The following PRKACB variants were observed in gnomAD, a reference collection of about 807,000 sequenced individuals.
The protein encoded by PRKACB is cAMP-dependent protein kinase catalytic subunit beta.
PRKACB carries 16 observed loss-of-function variants against 51.4 expected under a neutral mutation model. The observed-to-expected ratio is 0.31, with a 90% CI of 0.21 to 0.47. The LOEUF is 0.47. Among genes scored for constraint, PRKACB ranks in the 20% least tolerant of loss-of-function variants. The pLI, the probability that PRKACB is intolerant of heterozygous loss-of-function variation, is 1.00. For synonymous variants in PRKACB, 147 were observed against 154.4 expected (o/e 0.95, Z 0.35); for missense variants, 309 against 464.5 (o/e 0.67, Z 3.08).
intron 1 of PRKACB, among the ~76,000 whole-genome samples, chr1:84,080,941 A>G (rs1325706039): frequency 1.3e-5 from 2 of 152,182 alleles, no homozygotes; most frequent in Admixed American, 6.5e-5. Context: ...ATTAAAGACT[A>G]TAAGTAAAAG....
intron 1 of PRKACB, among the ~76,000 whole-genome samples, chr1:84,080,181 A>G (rs555320353): frequency 6.6e-6 from 1 of 152,164 alleles, no homozygotes; most frequent in Non-Finnish European, 1.5e-5. Context: ...GCTGACCTGT[A>G]TAATGTTTAT....
At chr1:84,180,762 T>C (rs1351744089) in intron 2 of PRKACB, among the ~76,000 whole-genome samples, 1 of 151,938 alleles carries the variant, frequency 6.6e-6, no homozygotes, top group Non-Finnish European at 1.5e-5. Flanking sequence ...AGATTAAACA[T>C]TGTGATTACA....
At chr1:84,165,172 A>G (rs114108263) in intron 1 of PRKACB, among the ~76,000 whole-genome samples, 1 of 152,080 alleles carries the variant, frequency 6.6e-6, no homozygotes, top group African/African-American at 2.4e-5. Flanking sequence ...ATTGCCTTCA[A>G]AAACCAGTAA....
upstream of PRKACB, among the ~76,000 whole-genome samples, chr1:84,140,611 G>A (rs1653307847): frequency 6.6e-6 from 1 of 152,002 alleles, no homozygotes; most frequent in Non-Finnish European, 1.5e-5. Flanking sequence ...CAAGATGATT[G>A]TAAGAAACAT....
At chr1:84,162,379 T>C (rs1356295712) in intron 1 of PRKACB, among the ~76,000 whole-genome samples, 2 of 152,084 alleles carry the variant, frequency 1.3e-5, no homozygotes, top group African/African-American at 4.8e-5. Context: ...TGTTTTTTCA[T>C]CACCCTTTGT....
At chr1:84,115,290 T>A (rs1650541348) in intron 1 of PRKACB, among the ~76,000 whole-genome samples, 1 of 152,120 alleles carries the variant, frequency 6.6e-6, no homozygotes. Flanking sequence ...TGATTAGTGA[T>A]GTTGAGCATT....
intron 7 of PRKACB, among the ~76,000 whole-genome samples, chr1:84,199,884 C>T (rs947523953): frequency 1.3e-5 from 2 of 151,988 alleles, no homozygotes; most frequent in South Asian, 2.1e-4. Context: ...CTTGCTCTGT[C>T]GCCCAGGCTG....
intron 1 of PRKACB, among the ~76,000 whole-genome samples, chr1:84,094,337 A>G (rs989306873): frequency 1.3e-5 from 2 of 151,986 alleles, no homozygotes; most frequent in Non-Finnish European, 2.9e-5. Flanking sequence ...GTGAGTTTTG[A>G]ATCTTAAATT....
chr1:84,178,186 A>G (rs1558128067), intron 1 of PRKACB, among the ~76,000 whole-genome samples: 1 of 152,004 alleles, frequency 6.6e-6, no homozygotes, highest in Non-Finnish European at 1.5e-5. Context: ...TAAAATAGGT[A>G]CCTATCTCAC....
Position 84,235,569 on chromosome 1 carries a change from A to C in PRKACB, c.*264A>C. ...TTGGGTTGTCTTTCTCCTCTCCTATATCCATTTCTTCCTTTTCCAATTTCA... is the reference window on the plus strand; with the variant it reads ...TTGGGTTGTCTTTCTCCTCTCCTATCTCCATTTCTTCCTTTTCCAATTTCA... On this transcript the variant is annotated 3_prime_UTR_variant, in exon 10 of 10. Transcript: ENST00000370685. The C allele has an allele frequency of 9.2e-6, 3 of 325,008 alleles. No individual in the cohort carries two copies. Among genetic ancestry groups the C allele is most frequent in the South Asian group, 5.3e-5 (1 of 18,948 alleles). The allele number at this position is 325,008 out of a possible 1,614,324, so 20.1% of individuals were successfully genotyped here. A position where few individuals can be genotyped will look rare whatever the true frequency, so the allele number is the denominator to read the frequency against.
intron 1 of PRKACB, among the ~76,000 whole-genome samples, chr1:84,116,414 G>A: frequency 6.6e-6 from 1 of 152,052 alleles, no homozygotes; most frequent in Non-Finnish European, 1.5e-5. Context: ...ATTATGTTGA[G>A]TCTGTAGATT....
At chr1:84,158,047 A>G (rs1655721618) in intron 1 of PRKACB, among the ~76,000 whole-genome samples, 1 of 151,130 alleles carries the variant, frequency 6.6e-6, no homozygotes, top group African/African-American at 2.4e-5. Context: ...ATGCTCATCA[A>G]TGCTTGGTAT....
At chr1:84,208,018 C>G (rs919798316) in intron 8 of PRKACB, among the ~76,000 whole-genome samples, 1 of 152,140 alleles carries the variant, frequency 6.6e-6, no homozygotes, top group Non-Finnish European at 1.5e-5. Context: ...CAGGCATGTG[C>G]CACCACGCCC....
At chr1:84,178,096 CTTTTTGGTTAGTAACAGTAT>C (rs1210705744) in intron 1 of PRKACB, among the ~76,000 whole-genome samples, 1 of 151,844 alleles carries the variant, frequency 6.6e-6, no homozygotes, top group African/African-American at 2.4e-5. Context: ...TGCCAAAAGC[CTTTTTGGTTAGTAACAGTAT>C]TTTCCCAAAG....
intron 1 of PRKACB, among the ~76,000 whole-genome samples, chr1:84,112,360 G>A (rs1650308523): frequency 6.6e-6 from 1 of 150,920 alleles, no homozygotes; most frequent in African/African-American, 2.4e-5. Context: ...AGCCTCCCAA[G>A]TAGCTAGGAT....
intron 8 of PRKACB, among the ~76,000 whole-genome samples, chr1:84,208,996 A>G (rs148805266): frequency 1.7e-4 from 26 of 152,316 alleles, no homozygotes; most frequent in Middle Eastern, 3.4e-3. Flanking sequence ...CTCTAGTCCT[A>G]TATGTAGGTA....
intron 1 of PRKACB, among the ~76,000 whole-genome samples, chr1:84,161,549 CCTT>C (rs1351296414): frequency 6.6e-6 from 1 of 151,492 alleles, no homozygotes; most frequent in Non-Finnish European, 1.5e-5. Flanking sequence ...CTTTCTACCA[CCTT>C]CTTTTCTATT....
chr1:84,218,028 C>A (rs1673127155), intron 9 of PRKACB, among the ~76,000 whole-genome samples: 1 of 152,116 alleles, frequency 6.6e-6, no homozygotes, highest in African/African-American at 2.4e-5. Context: ...TTGCTGCATA[C>A]TATTTTTATA....
intron 9 of PRKACB, among the ~76,000 whole-genome samples, chr1:84,228,176 A>G (rs1473463340): frequency 6.6e-6 from 1 of 152,164 alleles, no homozygotes; most frequent in Non-Finnish European, 1.5e-5. Context: ...CTTTTTCAAT[A>G]CCTTATTTGT....
Sources: allele counts gnomAD v4.1 joint callset (sites outside exome capture counted in the v4.1 genomes callset), GRCh38; gene constraint gnomAD v4.1.1; transcripts MANE v1.5; gene names NCBI Gene and HGNC (gene_info 2026-07-23, HGNC 2026-07-21).